The following SRC variants were observed in gnomAD, a reference collection of about 807,000 sequenced individuals.
The protein encoded by SRC is proto-oncogene tyrosine-protein kinase Src.
A neutral mutation model predicts 62.9 loss-of-function variants in SRC; 13 were observed. The ratio of observed to expected loss-of-function variants is 0.21; its 90% CI spans 0.13 to 0.33. The LOEUF (loss-of-function observed/expected upper bound fraction) is 0.33, where lower values mean the gene tolerates loss of function less well. Among genes scored for constraint, SRC ranks in the 10% least tolerant of loss-of-function variants. The pLI is 1.00. For missense variants in SRC, 457 were observed against 737.3 expected (o/e 0.62, Z 4.40); for synonymous variants, 302 against 317.5 (o/e 0.95, Z 0.52).
intron 1 of SRC, among the ~76,000 whole-genome samples, chr20:37,364,815 G>A (rs2070036638): frequency 6.6e-6 from 1 of 152,200 alleles, no homozygotes; most frequent in Non-Finnish European, 1.5e-5. Flanking sequence ...GCCCAGGAGT[G>A]CACCACTGAG....
intron 9 of SRC, among the ~76,000 whole-genome samples, chr20:37,399,826 G>A (rs567618460): frequency 5.3e-5 from 8 of 152,332 alleles, no homozygotes; most frequent in African/African-American, 1.7e-4. Flanking sequence ...GATTACAGGC[G>A]TGAGCCACCA....
chr20:37,400,102 CCCT>C lies in SRC; in HGVS notation c.860-8_860-6del. On this transcript the variant is annotated splice_polypyrimidine_tract_variant and intron_variant, in intron 9 of 13. Transcript: ENST00000373578. ...GGGGCTCCACTGAGTCAGCCTGCAT[CCCT>C]CCTCAACAGGGACCTGGAACGGTAC... 1.3e-6 allele frequency: 2 copies of C among 1,585,036 alleles called. No homozygotes were observed. The highest frequency in any genetic ancestry group is 8.6e-7 in the Non-Finnish European group (1 of 1,162,874).
chr20:37,396,429 TCCCCCTC>T lies in SRC; in HGVS notation c.703+128_703+134del. 2.6e-6 allele frequency: 3 copies of T among 1,163,178 alleles called. No homozygotes were observed. The highest frequency in any genetic ancestry group is 3.6e-6 in the Non-Finnish European group (3 of 833,972). 72.1% of individuals were successfully genotyped at this position (1,163,178 alleles called of 1,614,324 possible). A position where few individuals can be genotyped will look rare whatever the true frequency, so the allele number is the denominator to read the frequency against. On this transcript the variant is annotated intron_variant, in intron 8 of 13. Transcript: ENST00000373578. The surrounding 1 kb of genome is among the most constrained non-coding windows in gnomAD (Gnocchi z 6.1). ...CTGTTATCCTGCTTCTCTCCCCACTTCCCCCTCCCCCCTCCCTTCCTCTCTCCTCCCT... is the reference window on the plus strand; with the variant it reads ...CTGTTATCCTGCTTCTCTCCCCACTTCCCCCTCCCTTCCTCTCTCCTCCCT...
At chr20:37,378,161 C>CTTTTTT (rs770833912) in intron 2 of SRC, among the ~76,000 whole-genome samples, 32 of 122,942 alleles carry the variant, frequency 2.6e-4, no homozygotes, top group African/African-American at 9.4e-4. Context: ...TCTTTCTTCT[C>CTTTTTT]TTTTTTTTTT....
chr20:37,363,528 G>A (rs112594135), intron 1 of SRC, among the ~76,000 whole-genome samples: 1 of 152,096 alleles, frequency 6.6e-6, no homozygotes, highest in Non-Finnish European at 1.5e-5. Context: ...TCTGGCTGGG[G>A]CAGCCTCCTG....
At position 37,397,799 on chromosome 20, in the gene SRC, G is replaced by T. The variant is rs1475233098; in HGVS notation, c.804G>T (p.Glu268Asp). The T allele has an allele frequency of 1.2e-6, 2 of 1,612,246 alleles. No individual in the cohort carries two copies. Among genetic ancestry groups the T allele is most frequent in the Non-Finnish European group, 1.7e-6 (2 of 1,179,854 alleles). The change falls in exon 9 of 14, where the codon GAG becomes GAT. Residue 268 changes from glutamate to aspartate, a missense_variant. By Grantham distance (45) the Glu-to-Asp change is conservative (BLOSUM62 2). Coordinates refer to ENST00000373578, the MANE Select transcript of SRC (RefSeq NM_198291.3). This position sits in a 1 kb window ranked among gnomAD's most constrained non-coding sequence, Gnocchi z 4.1. ...AGGATGCCTGGGAGATCCCTCGGGAGTCGCTGCGGCTGGAGGTCAAGCTGG... is the reference window on the plus strand; with the variant it reads ...AGGATGCCTGGGAGATCCCTCGGGATTCGCTGCGGCTGGAGGTCAAGCTGG... ...LAKDAWEIPR[E>D]SLRLEVKLGQ...
intron 2 of SRC, among the ~76,000 whole-genome samples, chr20:37,378,407 A>ACCAC (rs1349932407): frequency 2.0e-5 from 3 of 152,056 alleles, no homozygotes; most frequent in Non-Finnish European, 2.9e-5. Context: ...CAGGTCCAGT[A>ACCAC]CCACATTAAG....
chr20:37,373,160 A>ACAGG (rs2070201758), intron 2 of SRC, among the ~76,000 whole-genome samples: 2 of 151,480 alleles, frequency 1.3e-5, no homozygotes, highest in African/African-American at 4.9e-5. Context: ...ACACACATAC[A>ACAGG]CACATATATG....
rs776064451 is a variant in SRC, at chr20:37,404,046, T to C, written c.*667T>C. 1.3e-5 allele frequency: 3 copies of C among 234,320 alleles called. No individual in the cohort carries two copies. Among genetic ancestry groups the C allele is most frequent in the Non-Finnish European group, 2.5e-5 (3 of 118,656 alleles). 14.5% of individuals were successfully genotyped at this position (234,320 alleles called of 1,614,324 possible). A position where few individuals can be genotyped will look rare whatever the true frequency, so the allele number is the denominator to read the frequency against. ...CACTTCCTTGCCCCCATTTCACCCATGGGGAGACAGTTGAGAGCGGGGATG... is the reference window on the plus strand; with the variant it reads ...CACTTCCTTGCCCCCATTTCACCCACGGGGAGACAGTTGAGAGCGGGGATG... On this transcript the variant is annotated 3_prime_UTR_variant, in exon 14 of 14. Coordinates refer to ENST00000373578, the MANE Select transcript of SRC (RefSeq NM_198291.3).
intron 2 of SRC, among the ~76,000 whole-genome samples, chr20:37,369,943 G>A (rs1173903775): frequency 2.0e-5 from 3 of 152,084 alleles, no homozygotes; most frequent in African/African-American, 7.2e-5. Context: ...GGAATTACTG[G>A]CATCTGCCAC....
Position 37,384,815 on chromosome 20 carries a change from G to C in SRC, c.250+412G>C, listed in dbSNP as rs1480592879. 1.3e-5 allele frequency among the ~76,000 whole-genome samples: 2 copies of C among 152,172 alleles called. No individual in the cohort carries two copies. Among genetic ancestry groups the C allele is most frequent in the African/African-American group, 2.4e-5 (1 of 41,442 alleles). ...TGGGTCGCTCGGGGAACGGGGCACCGGATGGCCCCGGTTGGGCCCGCGCCA... is the reference window on the plus strand; with the variant it reads ...TGGGTCGCTCGGGGAACGGGGCACCCGATGGCCCCGGTTGGGCCCGCGCCA... On this transcript the variant is annotated intron_variant, in intron 4 of 13. Transcript: ENST00000373578. The surrounding 1 kb of genome is among the most constrained non-coding windows in gnomAD (Gnocchi z 6.7).
chr20:37,351,244 A>C lies in SRC; in HGVS notation c.-247+4989A>C, dbSNP rs1212448090. 3.3e-5 allele frequency among the ~76,000 whole-genome samples: 5 copies of C among 152,148 alleles called. No homozygotes were observed. The highest frequency in any genetic ancestry group is 5.9e-5 in the Non-Finnish European group (4 of 68,028). On this transcript the variant is annotated intron_variant, in intron 1 of 13. Transcript: ENST00000373578. This position sits in a 1 kb window ranked among gnomAD's most constrained non-coding sequence, Gnocchi z 4.4. ...CAGAGAAGTTCCAGAGTAAAAGGAG[A>C]AGCCAGAAGGGAGGAGAAGTTGAAT...
chr20:37,386,857 A>G (rs2070463794), intron 5 of SRC, among the ~76,000 whole-genome samples: 1 of 152,278 alleles, frequency 6.6e-6, no homozygotes, highest in African/African-American at 2.4e-5. Context: ...CCAGGGAGAC[A>G]GCACATGGCC....
At chr20:37,353,568 C>T (rs368004417) in intron 1 of SRC, among the ~76,000 whole-genome samples, 1 of 152,174 alleles carries the variant, frequency 6.6e-6, no homozygotes, top group Non-Finnish European at 1.5e-5. Flanking sequence ...TCCTCCAGCA[C>T]GGAGTTGAGC....
chr20:37,359,080 T>C (rs1244486729), intron 1 of SRC, among the ~76,000 whole-genome samples: 2 of 152,232 alleles, frequency 1.3e-5, no homozygotes, highest in Non-Finnish European at 2.9e-5. Flanking sequence ...GCTTCTGCCC[T>C]GTGTAAGCCA....
chr20:37,384,521 G>C lies in SRC; in HGVS notation c.250+118G>C. On this transcript the variant is annotated intron_variant, in intron 4 of 13. Transcript: ENST00000373578. This position sits in a 1 kb window ranked among gnomAD's most constrained non-coding sequence, Gnocchi z 6.7. ...GGCCCTTCCTCTCGCCAGGGGTAGC[G>C]CCCCTGGGTGACTTGGGTGTCCGGG... 8.9e-7 allele frequency: 1 copy of C among 1,118,546 alleles called. No homozygotes were observed. Among genetic ancestry groups the C allele is most frequent in the Non-Finnish European group, 1.1e-6 (1 of 888,282 alleles). The allele number at this position is 1,118,546 out of a possible 1,614,324, so 69.3% of individuals were successfully genotyped here.
chr20:37,383,064 A>ACTGGGGTGT (rs2070388602), intron 3 of SRC, among the ~76,000 whole-genome samples: 1 of 152,238 alleles, frequency 6.6e-6, no homozygotes, highest in Non-Finnish European at 1.5e-5. Flanking sequence ...ACCCCATGCT[A>ACTGGGGTGT]GGCACTGGGA....
At chr20:37,392,666 C>T (rs959031853) in intron 5 of SRC, among the ~76,000 whole-genome samples, 11 of 152,128 alleles carry the variant, frequency 7.2e-5, no homozygotes, top group Non-Finnish European at 4.4e-5. Context: ...AGCAAAGAGG[C>T]CTTTGCTTCT....
At chr20:37,374,101 A>G (rs1237753804) in intron 2 of SRC, among the ~76,000 whole-genome samples, 1 of 144,616 alleles carries the variant, frequency 6.9e-6, no homozygotes, top group East Asian at 2.0e-4. Flanking sequence ...TTTTTTTTAG[A>G]TAGAGTCTTG....
Sources: allele counts gnomAD v4.1 joint callset (sites outside exome capture counted in the v4.1 genomes callset), GRCh38; gene constraint gnomAD v4.1.1; non-coding constraint Gnocchi (gnomAD v3.1); transcripts MANE v1.5; gene names NCBI Gene and HGNC (gene_info 2026-07-23, HGNC 2026-07-21).